Variants in FKBP5 observed in about 807,000 individuals in gnomAD.
FKBP5 encodes the protein peptidyl-prolyl cis-trans isomerase FKBP5.
FKBP5 carries 23 observed loss-of-function variants against 50.5 expected under a neutral mutation model. The observed-to-expected ratio is 0.46, with a 90% CI of 0.33 to 0.65. FKBP5 has a LOEUF of 0.65. Among genes scored for constraint, FKBP5 ranks in the 30% least tolerant of loss-of-function variants. The pLI is 0.02. For missense variants in FKBP5, 411 were observed against 553.1 expected, an observed-to-expected ratio of 0.74 and a Z score of 2.58; for synonymous variants, 176 against 190.6, an observed-to-expected ratio of 0.92 and a Z score of 0.63.
chr6:35,583,045 C>A, intron 8 of FKBP5: 1 of 961,566 alleles, frequency 1.0e-6, no homozygotes, highest in Non-Finnish European at 1.2e-6. Flanking sequence ...TATGCTTGTG[C>A]CACTGCACTC....
At chr6:35,626,033 C>G (rs1395620496) in intron 3 of FKBP5, among the ~76,000 whole-genome samples, 4 of 152,028 alleles carry the variant, frequency 2.6e-5, no homozygotes, top group Non-Finnish European at 5.9e-5. Context: ...CCTGCCTCAG[C>G]CTCCCAAAGT....
chr6:35,654,941 A>G (rs912171761), intron 1 of FKBP5, among the ~76,000 whole-genome samples: 1 of 152,172 alleles, frequency 6.6e-6, no homozygotes, highest in African/African-American at 2.4e-5. Context: ...ACCTCCAGCA[A>G]CTTTGGAGTT....
intron 2 of FKBP5, 102 bp from the exon 3 acceptor site, chr6:35,637,260 G>A: frequency 1.0e-6 from 1 of 960,012 alleles, no homozygotes; most frequent in South Asian, 1.5e-5. Context: ...AGGCAGATAT[G>A]CAAATATACT....
At chr6:35,588,055 C>T (rs898828983) in intron 7 of FKBP5, among the ~76,000 whole-genome samples, 9 of 148,424 alleles carry the variant, frequency 6.1e-5, no homozygotes, top group African/African-American at 2.0e-4. Flanking sequence ...GACGGAGTTT[C>T]GCTCTTGTTG....
chr6:35,637,259 T>G (rs2150986757), intron 2 of FKBP5, 101 bp from the exon 3 acceptor site: 1 of 988,970 alleles, frequency 1.0e-6, no homozygotes, highest in Non-Finnish European at 1.5e-6. Flanking sequence ...CAGGCAGATA[T>G]GCAAATATAC....
At chr6:35,701,251 T>G (rs1327116968) in intron 2 of FKBP5, among the ~76,000 whole-genome samples, 15 of 150,064 alleles carry the variant, frequency 1.0e-4, no homozygotes, top group East Asian at 5.8e-4. Flanking sequence ...TTTTTTTGTT[T>G]TTTTTTTTTT....
chr6:35,689,710 G>C (rs1453086976), upstream of FKBP5, among the ~76,000 whole-genome samples: 1 of 152,142 alleles, frequency 6.6e-6, no homozygotes, highest in East Asian at 1.9e-4. Flanking sequence ...GCTTGGTGGC[G>C]CGCGCCGTCC....
At chr6:35,664,289 GT>G (rs11347868) in intron 1 of FKBP5, among the ~76,000 whole-genome samples, 3,567 of 148,272 alleles carry the variant, frequency 0.024, 88 homozygotes, top group African/African-American at 0.057. Context: ...AAAATTAGCT[GT>G]TTTTTTTTTA....
intron 2 of FKBP5, among the ~76,000 whole-genome samples, chr6:35,705,229 TATATATATATATATATATATATATATATA>T (rs1435187176): frequency 2.3e-3 from 8 of 3,492 alleles, no homozygotes; most frequent in Non-Finnish European, 3.6e-3. Context: ...TATATATATA[TATATATATATATATATATATATATATATA>T]TTTTTTTTTT....
intron 2 of FKBP5, among the ~76,000 whole-genome samples, chr6:35,719,739 A>G (rs1276675985): frequency 1.3e-5 from 2 of 152,200 alleles, no homozygotes; most frequent in Non-Finnish European, 2.9e-5. Context: ...GAGACCAGGG[A>G]TGGGGCAGAG....
chr6:35,619,799 T>C (rs775737264), intron 4 of FKBP5, among the ~76,000 whole-genome samples: 2 of 152,198 alleles, frequency 1.3e-5, no homozygotes, highest in Non-Finnish European at 2.9e-5. Flanking sequence ...CATAGGCATA[T>C]TTCAACATTT....
At chr6:35,703,532 C>T (rs142072984) in intron 2 of FKBP5, among the ~76,000 whole-genome samples, 1 of 151,886 alleles carries the variant, frequency 6.6e-6, no homozygotes, top group Admixed American at 6.6e-5. Context: ...TCACATGTAC[C>T]CCATAAATAT....
chr6:35,704,509 G>A (rs1766245653), intron 2 of FKBP5, among the ~76,000 whole-genome samples: 1 of 152,140 alleles, frequency 6.6e-6, no homozygotes, highest in Non-Finnish European at 1.5e-5. Context: ...TAGCTCCTAA[G>A]ACAATCTCCC....
intron 1 of FKBP5, among the ~76,000 whole-genome samples, chr6:35,722,553 C>G (rs1766630336): frequency 6.6e-6 from 1 of 152,166 alleles, no homozygotes; most frequent in South Asian, 2.1e-4. Context: ...AGGTTCTGCA[C>G]CATCTGGGCT....
At chr6:35,631,450 TAAA>T (rs1027841449) in intron 3 of FKBP5, among the ~76,000 whole-genome samples, 2 of 152,200 alleles carry the variant, frequency 1.3e-5, no homozygotes, top group Non-Finnish European at 2.9e-5. Context: ...CAAAAGGACA[TAAA>T]AATACTTTTT....
chr6:35,584,994 C>A lies in FKBP5; in HGVS notation c.840+2040G>T, dbSNP rs368140274. The A allele has an allele frequency of 1.0e-5, 10 of 985,258 alleles. No individual in the cohort carries two copies. The Admixed American group carries it at 4.3e-4, about 42-fold the overall frequency. 61.0% of individuals were successfully genotyped at this position (985,258 alleles called of 1,614,324 possible). On this transcript the variant is annotated intron_variant, in intron 8 of 10. Coordinates refer to ENST00000357266, the MANE Select transcript of FKBP5 (RefSeq NM_004117.4). ...GCCATCTCTCTGTATATATTCAGAA[C>A]ACAGCTATATGACAGATGGCTTCAT...
At chr6:35,712,506 G>A (rs1203657638) in intron 2 of FKBP5, among the ~76,000 whole-genome samples, 1 of 152,066 alleles carries the variant, frequency 6.6e-6, no homozygotes, top group Non-Finnish European at 1.5e-5. Flanking sequence ...TGCTAAGGAA[G>A]AGCTAGTTGG....
chr6:35,585,669 A>C, intron 8 of FKBP5: 1 of 934,120 alleles, frequency 1.1e-6, no homozygotes, highest in Non-Finnish European at 1.3e-6. Flanking sequence ...ATACTTATCT[A>C]AACCCATGAT....
At chr6:35,685,982 C>CAA (rs60786619) in intron 1 of FKBP5, among the ~76,000 whole-genome samples, 158 of 44,264 alleles carry the variant, frequency 3.6e-3, no homozygotes, top group Non-Finnish European at 5.6e-3. Context: ...AACGCCATCT[C>CAA]AAAAAAAAAA....
Sources: allele counts gnomAD v4.1 joint callset (sites outside exome capture counted in the v4.1 genomes callset), GRCh38; gene constraint gnomAD v4.1.1; transcripts MANE v1.5; gene names NCBI Gene and HGNC (gene_info 2026-07-23, HGNC 2026-07-21).